The following SLC9A9 variants were observed in gnomAD, a reference collection of about 807,000 sequenced individuals.
The protein encoded by SLC9A9 is sodium/hydrogen exchanger 9.
A neutral mutation model predicts 77.8 loss-of-function variants in SLC9A9; 62 were observed. The observed-to-expected ratio is 0.80, with a 90% CI of 0.65 to 0.98. The LOEUF is 0.98. SLC9A9 is among the 50% of genes least tolerant of loss of function. The pLI is 0.00. For synonymous variants in SLC9A9, 320 were observed against 283.5 expected (o/e 1.13, Z -1.29); for missense variants, 775 against 774.9 (o/e 1.00, Z 0.00).
chr3:143,603,829 C>A (rs891612961), intron 6 of SLC9A9, among the ~76,000 whole-genome samples: 1 of 152,196 alleles, frequency 6.6e-6, no homozygotes, highest in Admixed American at 6.5e-5. Flanking sequence ...AACAACCTGA[C>A]GTGAGTATTT....
In SLC9A9 at chr3:143,467,106, A is replaced by G; in HGVS notation, c.1400T>C (p.Leu467Pro). 1 of 1,614,190 alleles carries G rather than the reference A, an allele frequency of 6.2e-7. No individual in the cohort carries two copies. The highest frequency in any genetic ancestry group is 8.5e-7 in the Non-Finnish European group (1 of 1,180,020). Residue 467 changes from leucine to proline, a missense_variant, in exon 12 of 16, where the codon CTC becomes CCC. Coordinates refer to ENST00000316549, the MANE Select transcript of SLC9A9 (RefSeq NM_173653.4). Reference sequence around the variant, plus strand: ...TACCCAGACAGTGAAGAACACGAGGAGCAGCGTAGTGGTAAACATCATTTG... The same window carrying G: ...TACCCAGACAGTGAAGAACACGAGGGGCAGCGTAGTGGTAAACATCATTTG... ...PKQMMFTTTL[L>P]LVFFTVWVFG...
chr3:143,367,478 A>C (rs1184022531), intron 13 of SLC9A9, among the ~76,000 whole-genome samples: 1 of 152,242 alleles, frequency 6.6e-6, no homozygotes, highest in Non-Finnish European at 1.5e-5. Context: ...ATTTCTCTGA[A>C]GTTACTGATG....
chr3:143,520,054 C>T (rs2036269744), intron 9 of SLC9A9, among the ~76,000 whole-genome samples: 1 of 152,156 alleles, frequency 6.6e-6, no homozygotes, highest in African/African-American at 2.4e-5. Context: ...TGGAAACTAT[C>T]AGTAAATAAG....
rs200118446 is a variant in SLC9A9, at chr3:143,721,973, CATT to C, written c.534-28669_534-28667del. On this transcript the variant is annotated intron_variant, in intron 4 of 15. Coordinates refer to ENST00000316549, the MANE Select transcript of SLC9A9 (RefSeq NM_173653.4). ...GACTAGGCAGCATCTAAAACAAAAACATTATTTTAAAGATGGCTTTCAAGAAAA... is the reference window on the plus strand; with the variant it reads ...GACTAGGCAGCATCTAAAACAAAAACATTTTAAAGATGGCTTTCAAGAAAA... Among the ~76,000 whole-genome samples, 1,167 of 152,180 alleles carry C rather than the reference CATT, an allele frequency of 7.7e-3. 9 individuals are homozygous for C. The highest frequency in any genetic ancestry group is 0.027 in the African/African-American group (1,124 of 41,502).
At position 143,311,647 on chromosome 3, in the gene SLC9A9, T is replaced by C. The variant is rs2031022700; in HGVS notation, c.1605-42667A>G. The stretch of plus-strand genomic sequence containing the variant: ...TTAGAAGCAGGTGATATGTCAGGTC[T>C]CATTACATAAAATAACAATATTGTG... On this transcript the variant is annotated intron_variant, in intron 14 of 15. Coordinates refer to ENST00000316549, the MANE Select transcript of SLC9A9 (RefSeq NM_173653.4). Among the ~76,000 whole-genome samples the C allele has an allele frequency of 2.6e-5, 4 of 152,218 alleles. No homozygotes were observed. In the South Asian group the frequency reaches 8.3e-4, roughly 32 times the overall value.
At chr3:143,625,569 A>G (rs2038307162) in intron 6 of SLC9A9, among the ~76,000 whole-genome samples, 1 of 152,232 alleles carries the variant, frequency 6.6e-6, no homozygotes, top group African/African-American at 2.4e-5. Context: ...CATATGTAGA[A>G]AGCTGAAACT....
chr3:143,728,184 CT>C (rs987936015), intron 4 of SLC9A9, among the ~76,000 whole-genome samples: 1 of 152,108 alleles, frequency 6.6e-6, no homozygotes, highest in Admixed American at 6.5e-5. Flanking sequence ...AGGTGCTGCC[CT>C]TTTTGGGAGT....
chr3:143,414,824 C>T (rs978823473), intron 12 of SLC9A9, among the ~76,000 whole-genome samples: 21 of 152,182 alleles, frequency 1.4e-4, no homozygotes, highest in African/African-American at 4.8e-4. Context: ...AAATCAAAAG[C>T]TAGAAATGAT....
intron 12 of SLC9A9, among the ~76,000 whole-genome samples, chr3:143,446,698 G>A (rs181865160): frequency 1.3e-5 from 2 of 152,302 alleles, no homozygotes; most frequent in African/African-American, 4.8e-5. Context: ...GTGGGAATGC[G>A]GTGGGAGTAC....
chr3:143,783,741 A>T (rs1042638443), intron 4 of SLC9A9, among the ~76,000 whole-genome samples: 4 of 152,242 alleles, frequency 2.6e-5, no homozygotes, highest in African/African-American at 9.6e-5. Flanking sequence ...AAAAGAGAAT[A>T]GAGAAGAGCA....
chr3:143,266,065 C>A lies in SLC9A9; in HGVS notation c.*637G>T, dbSNP rs1307534340. 5.7e-6 allele frequency: 4 copies of A among 702,344 alleles called. No homozygotes were observed. Among genetic ancestry groups the A allele is most frequent in the Non-Finnish European group, 7.8e-6 (3 of 384,778 alleles). The allele number at this position is 702,344 out of a possible 1,614,324, so 43.5% of individuals were successfully genotyped here. Reference sequence around the variant, plus strand: ...GCAGGGCACACCCAGCCATAGGCAACCCCTTTGAGCGATGGGAGAAGTAGC... The same window carrying A: ...GCAGGGCACACCCAGCCATAGGCAAACCCTTTGAGCGATGGGAGAAGTAGC... On this transcript the variant is annotated 3_prime_UTR_variant, in exon 16 of 16. Transcript: ENST00000316549.
chr3:143,475,117 C>A (rs2035451166), intron 11 of SLC9A9, among the ~76,000 whole-genome samples: 1 of 151,676 alleles, frequency 6.6e-6, no homozygotes, highest in East Asian at 2.0e-4. Context: ...CACTACCACA[C>A]CTGGCTCATT....
At chr3:143,818,690 C>G (rs894117492) in intron 2 of SLC9A9, among the ~76,000 whole-genome samples, 1 of 83,032 alleles carries the variant, frequency 1.2e-5, no homozygotes, top group African/African-American at 3.8e-5. Context: ...ATTGAATGTC[C>G]AAACCTATTG....
At chr3:143,718,500 C>T (rs532653754) in intron 4 of SLC9A9, among the ~76,000 whole-genome samples, 19 of 152,292 alleles carry the variant, frequency 1.2e-4, no homozygotes, top group African/African-American at 4.3e-4. Flanking sequence ...AATGTGCCCG[C>T]GAGATTGGAT....
chr3:143,337,256 C>A (rs2031954052), intron 14 of SLC9A9, among the ~76,000 whole-genome samples: 1 of 152,076 alleles, frequency 6.6e-6, no homozygotes, highest in Admixed American at 6.6e-5. Flanking sequence ...TCAGAAGCTT[C>A]CCTCCTTCCA....
intron 2 of SLC9A9, among the ~76,000 whole-genome samples, chr3:143,822,146 C>G (rs1271396639): frequency 6.6e-6 from 1 of 152,192 alleles, no homozygotes; most frequent in Non-Finnish European, 1.5e-5. Context: ...CATTCTAGCT[C>G]CACAGCTTCC....
intron 6 of SLC9A9, among the ~76,000 whole-genome samples, chr3:143,600,984 G>C (rs2037836457): frequency 6.6e-6 from 1 of 152,190 alleles, no homozygotes; most frequent in Admixed American, 6.5e-5. Flanking sequence ...GGTGAATGGG[G>C]ATGTAAGCGG....
At chr3:143,609,143 C>G (rs2037976563) in intron 6 of SLC9A9, among the ~76,000 whole-genome samples, 1 of 152,140 alleles carries the variant, frequency 6.6e-6, no homozygotes, top group Admixed American at 6.5e-5. Context: ...AGATCCACTG[C>G]AACCCTAGCA....
At chr3:143,381,614 G>A (rs1192932689) in intron 13 of SLC9A9, among the ~76,000 whole-genome samples, 1 of 152,150 alleles carries the variant, frequency 6.6e-6, no homozygotes, top group Non-Finnish European at 1.5e-5. Flanking sequence ...TAAGTCAAAG[G>A]ATGGATCACC....
Sources: gnomAD v4.1 joint callset for allele counts (sites outside exome capture counted in the v4.1 genomes callset) on GRCh38, gnomAD v4.1.1 for gene constraint, MANE v1.5 for transcripts, NCBI Gene and HGNC (gene_info 2026-07-23, HGNC 2026-07-21) for gene names.